The following SHANK1 variants were observed in gnomAD, a reference collection of about 807,000 sequenced individuals.
SHANK1 encodes the protein SH3 and multiple ankyrin repeat domains 1.
In SHANK1, 35 loss-of-function variants were observed where a neutral mutation model predicts 165.6. That is an observed-to-expected ratio of 0.21 (90% CI 0.16 to 0.28). SHANK1 has a LOEUF of 0.28. Among genes scored for constraint, SHANK1 ranks in the 10% least tolerant of loss-of-function variants. The pLI is 1.00. For missense variants in SHANK1, 2,681 were observed against 3,036.4 expected (o/e 0.88, Z 2.75); for synonymous variants, 1,428 against 1,384.8 (o/e 1.03, Z -0.69).
At position 50,672,063 on chromosome 19, in the gene SHANK1, A is replaced by G; in HGVS notation, c.2629T>C (p.Phe877Leu). The G allele has an allele frequency of 1.2e-6, 2 of 1,614,006 alleles. No homozygotes were observed. The highest frequency in any genetic ancestry group is 1.7e-6 in the Non-Finnish European group (2 of 1,179,976). ...ATCAACCCAGGTCCTGGAGGCAGGAAAGAAGGACGCTCGTAACTTGGCTGG... is the reference window on the plus strand; with the variant it reads ...ATCAACCCAGGTCCTGGAGGCAGGAGAGAAGGACGCTCGTAACTTGGCTGG... Reference protein sequence around the residue: ...RAQPSYERPSFLPPGPGLMLR... With the variant: ...RAQPSYERPSLLPPGPGLMLR... Residue 877 changes from phenylalanine to leucine, a missense_variant, in exon 22 of 24, where the codon TTC (phenylalanine) becomes CTC (leucine). Physicochemically the swap from Phe to Leu is conservative, Grantham distance 22. This residue lies in a region of SHANK1 where 206 missense variants were observed against 216.0 expected (regional missense o/e 0.95). Coordinates refer to ENST00000293441, the MANE Select transcript of SHANK1 (RefSeq NM_016148.5).
intron 15 of SHANK1, among the ~76,000 whole-genome samples, chr19:50,691,818 A>G (rs1483737097): frequency 6.6e-6 from 1 of 152,156 alleles, no homozygotes; most frequent in East Asian, 1.9e-4. Context: ...CTAGGACTAC[A>G]GGTGCTTGCC....
chr19:50,667,889 C>T lies in SHANK1; in HGVS notation c.4071G>A (p.Leu1357=), dbSNP rs1314254012. The change falls in exon 23 of 24, where the codon CTG becomes CTA. Residue 1357 remains leucine (L), a synonymous_variant. Transcript: ENST00000293441. The surrounding 1 kb of genome is among the most constrained non-coding windows in gnomAD (Gnocchi z 5.7). The stretch of plus-strand genomic sequence containing the variant: ...CCTTCAGCGCTCGCTCGCGGGCGGC[C>T]AGGGCCAGCCCCAGCGGGGAGGCGG... ...LDPASPLGLA[L]AARERALKES... is the part of the protein sequence containing the mutation. 2 of 1,322,962 alleles carry T rather than the reference C, an allele frequency of 1.5e-6. No homozygotes were observed. The highest frequency in any genetic ancestry group is 1.9e-6 in the Non-Finnish European group (2 of 1,040,412). The allele number at this position is 1,322,962 out of a possible 1,614,324, so 82.0% of individuals were successfully genotyped here. A position where few individuals can be genotyped will look rare whatever the true frequency, so the allele number is the denominator to read the frequency against.
At chr19:50,687,047 CG>C (rs1484345641) in intron 19 of SHANK1, 6 of 1,471,014 alleles carry the variant, frequency 4.1e-6, no homozygotes, top group Middle Eastern at 1.8e-4. Context: ...GAGACTAGCC[CG>C]GGGGAGAGGC....
chr19:50,695,189 G>A (rs1986695044), intron 15 of SHANK1, among the ~76,000 whole-genome samples: 1 of 145,554 alleles, frequency 6.9e-6, no homozygotes, highest in African/African-American at 2.5e-5. Context: ...GGAGGGGGGA[G>A]GGGGAGGGGG....
intron 15 of SHANK1, 171 bp from the exon 16 acceptor site, chr19:50,689,450 G>A (rs983100063): frequency 1.4e-6 from 1 of 705,662 alleles, no homozygotes; most frequent in Non-Finnish European, 2.6e-6. Flanking sequence ...TGCTAGCCCT[G>A]ATGGGCTTCC....
rs1355441033 is a variant in SHANK1 at position 50,719,453 on chromosome 19, T to TCCCCC, written c.-96_-92dup. The TCCCCC allele has an allele frequency of 1.6e-5, 1 of 62,258 alleles. No individual in the cohort carries two copies. Among genetic ancestry groups the TCCCCC allele is most frequent in the Non-Finnish European group, 3.1e-5 (1 of 32,166 alleles). 3.9% of individuals were successfully genotyped at this position (62,258 alleles called of 1,614,324 possible). A position where few individuals can be genotyped will look rare whatever the true frequency, so the allele number is the denominator to read the frequency against. On this transcript the variant is annotated 5_prime_UTR_variant, in exon 1 of 24. Coordinates refer to ENST00000293441, the MANE Select transcript of SHANK1 (RefSeq NM_016148.5). Reference sequence around the variant, plus strand: ...CCCGGTCGGCGGCGCCCGCGGCCCCTCCCCCCTCCCCCCACCCCCCACCCC... The same window carrying TCCCCC: ...CCCGGTCGGCGGCGCCCGCGGCCCCTCCCCCCCCCCCTCCCCCCACCCCCCACCCC...
chr19:50,680,684 C>T (rs1381838959), intron 21 of SHANK1, among the ~76,000 whole-genome samples: 1 of 146,508 alleles, frequency 6.8e-6, no homozygotes. Flanking sequence ...GAGACAGAAT[C>T]GCACCCTGTC....
Position 50,719,735 on chromosome 19 carries a change from C to G in SHANK1, c.-373G>C, listed in dbSNP as rs1266141250. 6.6e-6 allele frequency among the ~76,000 whole-genome samples: 1 copy of G among 150,838 alleles called. No homozygotes were observed. Among genetic ancestry groups the G allele is most frequent in the Non-Finnish European group, 1.5e-5 (1 of 67,386 alleles). On this transcript the variant is annotated 5_prime_UTR_variant, in exon 1 of 24. Transcript: ENST00000293441. ...CTCTTCCTCCTCCTCTTCCTCGGGC[C>G]GCCGCCGCCGCCGCCCGCTCCGCGC...
Position 50,660,789 on chromosome 19 carries a change from A to C in SHANK1, c.*1176T>G, listed in dbSNP as rs1417479592. Among the ~76,000 whole-genome samples the C allele has an allele frequency of 6.7e-6, 1 of 149,972 alleles. No homozygotes were observed. Among genetic ancestry groups the C allele is most frequent in the Non-Finnish European group, 1.5e-5 (1 of 67,814 alleles). On this transcript the variant is annotated 3_prime_UTR_variant, in exon 24 of 24. Coordinates refer to ENST00000293441, the MANE Select transcript of SHANK1 (RefSeq NM_016148.5). ...TTCACAAAAGAATCAAAAATGCAGA[A>C]GGGCAAAGATTTCAAACAGAAAGGG...
chr19:50,688,883 T>C lies in SHANK1; in HGVS notation c.2133A>G (p.Ala711=). ...CTCCCATTCGCAGTCCAGCTCGCCA[T>C]GCCACGCCACCCTCGTCCACCGACT... is the stretch of plus-strand genomic sequence containing the variant. ...YLESVDEGGV[A]WRAGLRMGDF... is the part of the protein sequence containing the mutation. Residue 711 remains alanine, a synonymous_variant, in exon 17 of 24, where the codon GCA becomes GCG. Transcript: ENST00000293441. The surrounding 1 kb of genome is among the most constrained non-coding windows in gnomAD (Gnocchi z 6.7). 2 of 1,594,362 alleles carry C rather than the reference T, an allele frequency of 1.3e-6. No homozygotes were observed. The highest frequency in any genetic ancestry group is 1.7e-6 in the Non-Finnish European group (2 of 1,170,454).
chr19:50,681,437 G>T (rs1986176511), intron 21 of SHANK1, among the ~76,000 whole-genome samples: 1 of 152,152 alleles, frequency 6.6e-6, no homozygotes, highest in African/African-American at 2.4e-5. Context: ...GGGCAGGTGG[G>T]CAGCTGGTTT....
At position 50,686,404 on chromosome 19, in the gene SHANK1, T is replaced by C; in HGVS notation, c.2459-49A>G. The C allele has an allele frequency of 7.3e-7, 1 of 1,366,824 alleles. No homozygotes were observed. Among genetic ancestry groups the C allele is most frequent in the Non-Finnish European group, 1.0e-6 (1 of 987,290 alleles). 84.7% of individuals were successfully genotyped at this position (1,366,824 alleles called of 1,614,324 possible). The stretch of plus-strand genomic sequence containing the variant: ...GGTGGGAAGACAATGAAATGAAGTT[T>C]GCTTTGACCCGGGCCGCAAAGACCA... On this transcript the variant is annotated intron_variant, in intron 20 of 23. Transcript: ENST00000293441. This position sits in a 1 kb window ranked among gnomAD's most constrained non-coding sequence, Gnocchi z 5.7.
At chr19:50,711,532 T>G (rs376142137) in intron 7 of SHANK1, 45 bp from the exon 8 acceptor site, 103 of 1,409,776 alleles carry the variant, frequency 7.3e-5, no homozygotes, top group Admixed American at 1.3e-4. Context: ...ACCCAGGCTG[T>G]TCTCCCTCTG....
At chr19:50,706,221 C>T (rs757174983) in intron 8 of SHANK1, among the ~76,000 whole-genome samples, 18 of 152,064 alleles carry the variant, frequency 1.2e-4, no homozygotes, top group Non-Finnish European at 2.1e-4. Flanking sequence ...GCCTTGGATT[C>T]GAACCCAGAT....
intron 21 of SHANK1, among the ~76,000 whole-genome samples, chr19:50,675,575 T>A (rs1054105062): frequency 4.6e-5 from 7 of 152,200 alleles, no homozygotes; most frequent in African/African-American, 1.7e-4. Context: ...TGACAGATAC[T>A]GCAGATACGA....
chr19:50,669,545 G>A (rs184831087), intron 22 of SHANK1, among the ~76,000 whole-genome samples: 16 of 152,248 alleles, frequency 1.1e-4, no homozygotes, highest in African/African-American at 3.6e-4. Flanking sequence ...TCCTCCCCAC[G>A]CCAGGAGGGG....
intron 15 of SHANK1, among the ~76,000 whole-genome samples, chr19:50,694,460 AGCCACGGTG>A (rs1262999500): frequency 1.4e-5 from 2 of 148,044 alleles, no homozygotes; most frequent in Non-Finnish European, 3.0e-5. Context: ...GATGCGGGTA[AGCCACGGTG>A]GCTCCCCACA....
rs1363288448 is a variant in SHANK1 at position 50,662,723 on chromosome 19, T to C, written c.5769-41A>G. 1.8e-5 allele frequency: 27 copies of C among 1,489,670 alleles called. No individual in the cohort carries two copies. Among genetic ancestry groups the C allele is most frequent in the Non-Finnish European group, 2.2e-5 (25 of 1,118,130 alleles). The allele number at this position is 1,489,670 out of a possible 1,614,324, so 92.3% of individuals were successfully genotyped here. A position where few individuals can be genotyped will look rare whatever the true frequency, so the allele number is the denominator to read the frequency against. ...GGGGCAGTGGGGGAGGACAGGGATT[T>C]AGGGGGCAAGGGCAGGGGTGAGAAA... On this transcript the variant is annotated intron_variant, in intron 23 of 23. Transcript: ENST00000293441. This position sits in a 1 kb window ranked among gnomAD's most constrained non-coding sequence, Gnocchi z 7.7.
intron 8 of SHANK1, among the ~76,000 whole-genome samples, chr19:50,706,343 G>A (rs958585244): frequency 1.3e-5 from 2 of 152,166 alleles, no homozygotes; most frequent in African/African-American, 4.8e-5. Flanking sequence ...AGTGGGGACA[G>A]GGATGCCTTC....
Sources: gnomAD v4.1 joint callset for allele counts (sites outside exome capture counted in the v4.1 genomes callset) on GRCh38, gnomAD v4.1.1 for gene constraint, gnomAD v4.1.1 regional missense constraint, Gnocchi (gnomAD v3.1) non-coding constraint, MANE v1.5 for transcripts, NCBI Gene and HGNC (gene_info 2026-07-23, HGNC 2026-07-21) for gene names.